Variants in NFATC3 observed in about 807,000 individuals in gnomAD.
NFATC3 encodes the protein nuclear factor of activated T-cells, cytoplasmic 3.
NFATC3 carries 46 observed loss-of-function variants against 98.6 expected under a neutral mutation model. The observed-to-expected ratio is 0.47, with a 90% CI of 0.37 to 0.60. The LOEUF is 0.60. Among genes scored for constraint, NFATC3 ranks in the 20% least tolerant of loss-of-function variants. NFATC3 has a pLI of 0.00. For synonymous variants in NFATC3, 512 were observed against 472.2 expected (o/e 1.08, Z -1.09); for missense variants, 1,256 against 1,295.5 (o/e 0.97, Z 0.47).
In NFATC3 at chr16:68,126,506, C is replaced by G; in HGVS notation, c.1297C>G (p.Leu433Val). The change falls in exon 3 of 10, where the codon CTG becomes GTG. Residue 433 changes from leucine to valine, a missense_variant. Physicochemically the swap from Leu to Val is conservative, Grantham distance 32. Transcript: ENST00000346183. ...ACCAGCTCATTTTGGACAATGTGAACTGAAAATAGAAGTGCAACCTAAAAC... is the reference window on the plus strand; with the variant it reads ...ACCAGCTCATTTTGGACAATGTGAAGTGAAAATAGAAGTGCAACCTAAAAC... ...PLPAHFGQCE[L>V]KIEVQPKTHH... 4.3e-6 allele frequency: 7 copies of G among 1,614,092 alleles called. No individual in the cohort carries two copies. In the South Asian group the frequency reaches 7.7e-5, roughly 18 times the overall value.
rs181592683 is a variant in NFATC3 at position 68,143,053 on chromosome 16, G to A, written c.1402-14816G>A. ...TGGAGACCAGCGTGAGCAATAGTGC[G>A]AGAACCTGTCTCTACCAAAAAATAA... On this transcript the variant is annotated intron_variant, in intron 3 of 9. Coordinates refer to ENST00000346183, the MANE Select transcript of NFATC3 (RefSeq NM_173165.3). 4.7e-3 allele frequency among the ~76,000 whole-genome samples: 717 copies of A among 151,882 alleles called. 4 individuals are homozygous for A. Among genetic ancestry groups the A allele is most frequent in the Middle Eastern group, 0.027 (8 of 294 alleles).
intron 3 of NFATC3, among the ~76,000 whole-genome samples, chr16:68,130,483 C>T (rs987156934): frequency 6.6e-6 from 1 of 152,050 alleles, no homozygotes; most frequent in Non-Finnish European, 1.5e-5. Context: ...ATCCTTTGCC[C>T]ACTTTTTAGA....
rs949395717 is a variant in NFATC3 at position 68,157,918 on chromosome 16, C to G, written c.1451C>G (p.Thr484Arg). Residue 484 changes from threonine to arginine, a missense_variant, in exon 4 of 10, where the codon ACA (threonine) becomes AGA (arginine). Around this residue, in one of 3 missense-constraint regions of NFATC3, gnomAD observed 156 missense variants for 212.4 expected, o/e 0.73. Transcript: ENST00000346183. ...KPINLQMFIGTADDRYLRPHA... is the reference protein window; with the variant it reads ...KPINLQMFIGRADDRYLRPHA... The stretch of plus-strand genomic sequence containing the variant: ...ATAAATCTACAAATGTTTATTGGGA[C>G]AGCAGATGATCGATATTTACGACCT... 1 of 1,613,794 alleles carries G rather than the reference C, an allele frequency of 6.2e-7. No individual in the cohort carries two copies. The highest frequency in any genetic ancestry group is 8.5e-7 in the Non-Finnish European group (1 of 1,179,878).
chr16:68,164,955 A>G (rs2039117316), intron 4 of NFATC3, among the ~76,000 whole-genome samples: 1 of 152,200 alleles, frequency 6.6e-6, no homozygotes, highest in Admixed American at 6.5e-5. Flanking sequence ...TTTCACCGCT[A>G]CATAAGAGTT....
intron 1 of NFATC3, among the ~76,000 whole-genome samples, chr16:68,109,095 A>G (rs1452527278): frequency 6.6e-6 from 1 of 152,186 alleles, no homozygotes; most frequent in East Asian, 1.9e-4. Context: ...CCTGGCCAGA[A>G]TTTCCATTAC....
chr16:68,163,350 G>T (rs1020882993), intron 4 of NFATC3, among the ~76,000 whole-genome samples: 5 of 151,388 alleles, frequency 3.3e-5, no homozygotes, highest in African/African-American at 1.2e-4. Flanking sequence ...GGGCGGGGCG[G>T]CTGGCTGGGC....
chr16:68,101,776 C>T (rs1322896613), intron 1 of NFATC3, among the ~76,000 whole-genome samples: 1 of 152,202 alleles, frequency 6.6e-6, no homozygotes, highest in Non-Finnish European at 1.5e-5. Flanking sequence ...ACCCACCGCA[C>T]CCGGTCCCAA....
At chr16:68,123,567 G>A (rs1298581543) in intron 2 of NFATC3, among the ~76,000 whole-genome samples, 4 of 151,666 alleles carry the variant, frequency 2.6e-5, no homozygotes, top group African/African-American at 9.7e-5. Flanking sequence ...TTGGGAGGCT[G>A]AGGTGGAAGG....
At chr16:68,107,920 T>TA (rs1350870493) in intron 1 of NFATC3, among the ~76,000 whole-genome samples, 6 of 147,500 alleles carry the variant, frequency 4.1e-5, no homozygotes, top group African/African-American at 1.5e-4. Context: ...GGTGGTTTAT[T>TA]TTTTTTTTTT....
In NFATC3 at chr16:68,190,711, G is replaced by A. The variant is rs1229972341; in HGVS notation, c.2099-57G>A. On this transcript the variant is annotated intron_variant, in intron 8 of 9. Transcript: ENST00000346183. ...GTTGTGTAACCTAGCATGAAGGCCT[G>A]TCATGATAATTTTATGTATTGTATA... 7.3e-6 allele frequency: 11 copies of A among 1,512,188 alleles called. No homozygotes were observed. The East Asian group carries it at 2.5e-4, about 34-fold the overall frequency. 93.7% of individuals were successfully genotyped at this position (1,512,188 alleles called of 1,614,324 possible).
At chr16:68,176,007 C>G (rs181530812) in intron 6 of NFATC3, among the ~76,000 whole-genome samples, 301 of 152,060 alleles carry the variant, frequency 2.0e-3, no homozygotes, top group African/African-American at 6.8e-3. Flanking sequence ...GAGACGGAGC[C>G]TCGCTCTGTT....
Position 68,126,499 on chromosome 16 carries a change from A to C in NFATC3, c.1290A>C (p.Gln430His), listed in dbSNP as rs1183424094. 6.2e-7 allele frequency: 1 copy of C among 1,614,182 alleles called. No homozygotes were observed. Among genetic ancestry groups the C allele is most frequent in the South Asian group, 1.1e-5 (1 of 91,084 alleles). ...GGCCTTTACCAGCTCATTTTGGACA[A>C]TGTGAACTGAAAATAGAAGTGCAAC... ...LDWPLPAHFG[Q>H]CELKIEVQPK... The change falls in exon 3 of 10, where the codon CAA becomes CAC. Residue 430 changes from glutamine to histidine, a missense_variant. Physicochemically the swap from Gln to His is conservative, Grantham distance 24. Around this residue, in one of 3 missense-constraint regions of NFATC3, gnomAD observed 156 missense variants for 212.4 expected, o/e 0.73. Transcript: ENST00000346183.
intron 8 of NFATC3, among the ~76,000 whole-genome samples, chr16:68,187,540 C>T (rs1206678635): frequency 6.6e-6 from 1 of 152,112 alleles, no homozygotes; most frequent in East Asian, 1.9e-4. Flanking sequence ...GAGGGTAGCT[C>T]CTCTCTGCAG....
At chr16:68,181,425 A>G (rs2039946242) in intron 6 of NFATC3, 50 bp from the exon 7 acceptor site, 1 of 1,380,296 alleles carries the variant, frequency 7.2e-7, no homozygotes, top group African/African-American at 1.4e-5. Context: ...TTTTGTCTGT[A>G]TGCTTTCTGA....
At chr16:68,184,464 A>G (rs1457517006) in intron 8 of NFATC3, among the ~76,000 whole-genome samples, 1 of 152,134 alleles carries the variant, frequency 6.6e-6, no homozygotes, top group Admixed American at 6.5e-5. Context: ...AGCAGAGGGA[A>G]GTTTGGGTGA....
chr16:68,123,367 T>C (rs2036649407), intron 2 of NFATC3, among the ~76,000 whole-genome samples: 1 of 152,016 alleles, frequency 6.6e-6, no homozygotes. Flanking sequence ...ATAAATTACA[T>C]TTAAAAATCC....
chr16:68,206,426 C>G (rs1019233590), intron 9 of NFATC3, among the ~76,000 whole-genome samples: 1 of 152,162 alleles, frequency 6.6e-6, no homozygotes, highest in Non-Finnish European at 1.5e-5. Context: ...CCCCTGGTAA[C>G]CTGTACTCTG....
intron 9 of NFATC3, among the ~76,000 whole-genome samples, chr16:68,202,832 TA>T (rs538945122): frequency 3.9e-4 from 59 of 149,800 alleles, no homozygotes; most frequent in East Asian, 5.8e-4. Context: ...AAATAAATAA[TA>T]AAAAAAAATA....
chr16:68,132,116 G>C (rs1208551270), intron 3 of NFATC3, among the ~76,000 whole-genome samples: 2 of 152,086 alleles, frequency 1.3e-5, no homozygotes, highest in Non-Finnish European at 2.9e-5. Flanking sequence ...CTTTTAGATA[G>C]AGAGTAAAAT....
Sources: allele counts gnomAD v4.1 joint callset (sites outside exome capture counted in the v4.1 genomes callset), GRCh38; gene constraint gnomAD v4.1.1; regional missense constraint gnomAD v4.1.1; transcripts MANE v1.5; gene names NCBI Gene and HGNC (gene_info 2026-07-23, HGNC 2026-07-21).